Variants in DLGAP2 observed in about 807,000 individuals in gnomAD.
DLGAP2 encodes disks large-associated protein 2.
DLGAP2 carries 26 observed loss-of-function variants against 100.3 expected under a neutral mutation model. That is an observed-to-expected ratio of 0.26 (90% CI 0.19 to 0.36). The LOEUF is 0.36. DLGAP2 is among the 10% of genes least tolerant of loss of function. The pLI is 1.00. For missense variants in DLGAP2, 1,858 were observed against 1,453.2 expected, an observed-to-expected ratio of 1.28 and a Z score of -4.53; for synonymous variants, 886 against 630.1, an observed-to-expected ratio of 1.41 and a Z score of -6.08.
At chr8:1,491,037 TA>T (rs1317624758) in intron 3 of DLGAP2, among the ~76,000 whole-genome samples, 1 of 32,488 alleles carries the variant, frequency 3.1e-5, no homozygotes, top group African/African-American at 7.9e-5. Flanking sequence ...TAATAAAATT[TA>T]AAAAAATAAA....
Position 756,893 on chromosome 8 carries a change from C to T in DLGAP2, c.18+19068C>T, listed in dbSNP as rs79487617. On this transcript the variant is annotated intron_variant, in intron 1 of 14. Coordinates refer to ENST00000637795, the MANE Select transcript of DLGAP2 (RefSeq NM_001346810.2). ...TTTTATCATGTCACTTCTCTGCATGCGGTGTTTTCTGTTGCGTTTTGGCAG... is the reference window on the plus strand; with the variant it reads ...TTTTATCATGTCACTTCTCTGCATGTGGTGTTTTCTGTTGCGTTTTGGCAG... Among the ~76,000 whole-genome samples the T allele has an allele frequency of 8.1e-3, 1,232 of 152,270 alleles. 4 individuals are homozygous for T. The highest frequency in any genetic ancestry group is 0.016 in the South Asian group (78 of 4,828).
At chr8:810,122 A>T (rs988938238) in intron 1 of DLGAP2, among the ~76,000 whole-genome samples, 1 of 152,148 alleles carries the variant, frequency 6.6e-6, no homozygotes, top group African/African-American at 2.4e-5. Context: ...GTAGGTCTTC[A>T]AGTGCCATCT....
intron 2 of DLGAP2, among the ~76,000 whole-genome samples, chr8:1,202,463 G>A (rs571165125): frequency 1.3e-5 from 2 of 152,204 alleles, no homozygotes; most frequent in East Asian, 3.9e-4. Flanking sequence ...TTCTTATAAT[G>A]GGGAATCATT....
chr8:1,560,550 A>C, intron 5 of DLGAP2, among the ~76,000 whole-genome samples: 1 of 152,102 alleles, frequency 6.6e-6, no homozygotes, highest in East Asian at 1.9e-4. Context: ...TGTCTTGGGG[A>C]AGCTTCATGG....
chr8:1,036,661 G>A (rs1037327245), intron 2 of DLGAP2, among the ~76,000 whole-genome samples: 2 of 152,094 alleles, frequency 1.3e-5, no homozygotes, highest in Non-Finnish European at 1.5e-5. Flanking sequence ...GCCTTGAACC[G>A]TGCACCCTAG....
intron 5 of DLGAP2, among the ~76,000 whole-genome samples, chr8:1,550,290 A>T (rs1056946757): frequency 4.6e-5 from 7 of 152,124 alleles, no homozygotes; most frequent in Admixed American, 6.6e-5. Flanking sequence ...ACGGCACGCT[A>T]TGGCTTTGTG....
At chr8:1,482,798 G>A (rs1799131855) in intron 3 of DLGAP2, among the ~76,000 whole-genome samples, 1 of 152,268 alleles carries the variant, frequency 6.6e-6, no homozygotes, top group South Asian at 2.1e-4. Context: ...CGTGGATGTG[G>A]GGATGGGCGT....
chr8:787,182 C>T (rs887800676), intron 1 of DLGAP2, among the ~76,000 whole-genome samples: 11 of 152,212 alleles, frequency 7.2e-5, no homozygotes, highest in African/African-American at 2.7e-4. Flanking sequence ...TTCACCCAGC[C>T]TCAGCTGGTC....
At position 936,074 on chromosome 8, in the gene DLGAP2, G is replaced by A. The variant is rs115492315; in HGVS notation, c.73+28108G>A. ...TGCTGGAAATTAGCTCGCGGAGCACGTTGTGGGTTGAGCTGCCGGTGTGTT... is the reference window on the plus strand; with the variant it reads ...TGCTGGAAATTAGCTCGCGGAGCACATTGTGGGTTGAGCTGCCGGTGTGTT... On this transcript the variant is annotated intron_variant, in intron 2 of 14. Coordinates refer to ENST00000637795, the MANE Select transcript of DLGAP2 (RefSeq NM_001346810.2). 2.7e-3 allele frequency among the ~76,000 whole-genome samples: 414 copies of A among 152,292 alleles called. 2 individuals carry two copies. Among genetic ancestry groups the A allele is most frequent in the African/African-American group, 9.4e-3 (389 of 41,566 alleles).
At chr8:1,515,236 C>T (rs897921701) in intron 4 of DLGAP2, among the ~76,000 whole-genome samples, 8 of 152,176 alleles carry the variant, frequency 5.3e-5, no homozygotes, top group Admixed American at 3.3e-4. Context: ...ACTTGAGTTT[C>T]AGGGCCAAGG....
intron 2 of DLGAP2, among the ~76,000 whole-genome samples, chr8:967,181 T>C (rs1402081591): frequency 1.3e-5 from 2 of 152,274 alleles, no homozygotes; most frequent in Non-Finnish European, 2.9e-5. Context: ...GCCTGTGTCA[T>C]GTGCTCATAC....
chr8:1,181,608 G>A (rs533887302), intron 2 of DLGAP2, among the ~76,000 whole-genome samples: 2 of 152,096 alleles, frequency 1.3e-5, no homozygotes, highest in East Asian at 3.9e-4. Context: ...CCTGGGGGGT[G>A]AAATAATCTA....
In DLGAP2 at chr8:1,626,859, C is replaced by A. The variant is rs1021792319; in HGVS notation, c.1562C>A (p.Thr521Asn). 3 of 1,606,180 alleles carry A rather than the reference C, an allele frequency of 1.9e-6. No homozygotes were observed. The highest frequency in any genetic ancestry group is 2.5e-6 in the Non-Finnish European group (3 of 1,176,678). The change falls in exon 7 of 15, where the codon ACC becomes AAC. Residue 521 changes from threonine (T) to asparagine (N), a missense_variant. Coordinates refer to ENST00000637795, the MANE Select transcript of DLGAP2 (RefSeq NM_001346810.2). ...CAGAGCTACATGAGGGCCGTCAGCA[C>A]CCTGAGCCAGGCCAGCTGCGTGAGC... ...RNQSYMRAVSTLSQASCVSQV... is the reference protein window; with the variant it reads ...RNQSYMRAVSNLSQASCVSQV...
intron 2 of DLGAP2, among the ~76,000 whole-genome samples, chr8:1,206,838 G>T (rs1437628625): frequency 7.2e-5 from 11 of 152,158 alleles, no homozygotes; most frequent in Non-Finnish European, 7.3e-5. Flanking sequence ...TTCTGTCGCT[G>T]ACACAGCAAG....
intron 2 of DLGAP2, among the ~76,000 whole-genome samples, chr8:1,176,269 C>T (rs1282348633): frequency 6.6e-6 from 1 of 152,240 alleles, no homozygotes; most frequent in Non-Finnish European, 1.5e-5. Flanking sequence ...CTCATTACCA[C>T]AAGAATAGCA....
chr8:1,272,518 A>G (rs1040511556), intron 3 of DLGAP2, among the ~76,000 whole-genome samples: 1 of 152,174 alleles, frequency 6.6e-6, no homozygotes, highest in Non-Finnish European at 1.5e-5. Context: ...ATATATTCAC[A>G]TCTGTGTTCC....
chr8:1,588,039 A>T (rs1358502259), intron 6 of DLGAP2, among the ~76,000 whole-genome samples: 2 of 152,238 alleles, frequency 1.3e-5, no homozygotes, highest in East Asian at 1.9e-4. Flanking sequence ...GACTCCTAAT[A>T]GAGTTCTGGT....
intron 1 of DLGAP2, among the ~76,000 whole-genome samples, chr8:830,139 G>T (rs1005513141): frequency 3.3e-5 from 5 of 152,026 alleles, no homozygotes; most frequent in African/African-American, 1.2e-4. Context: ...TGTAACATTT[G>T]CTTTTTATTT....
intron 2 of DLGAP2, among the ~76,000 whole-genome samples, chr8:1,021,776 C>T (rs754338224): frequency 6.6e-6 from 1 of 152,128 alleles, no homozygotes; most frequent in Non-Finnish European, 1.5e-5. Context: ...GACACCCCAA[C>T]CCAGATGCTG....
Sources: gnomAD v4.1 joint callset for allele counts (sites outside exome capture counted in the v4.1 genomes callset) on GRCh38, gnomAD v4.1.1 for gene constraint, MANE v1.5 for transcripts, NCBI Gene and HGNC (gene_info 2026-07-23, HGNC 2026-07-21) for gene names.